The following KIAA1217 variants were observed in gnomAD, a reference collection of about 807,000 sequenced individuals.
KIAA1217 encodes KIAA1217, also known as sickle tail protein homolog.
In KIAA1217, 88 loss-of-function variants were observed where a neutral mutation model predicts 163.9. That is an observed-to-expected ratio of 0.54 (90% CI 0.45 to 0.64). The LOEUF is 0.64. Ranked by LOEUF, KIAA1217 falls within the 30% of genes least tolerant of loss-of-function variation. KIAA1217 has a pLI of 0.00. For synonymous variants in KIAA1217, 903 were observed against 923.1 expected, an observed-to-expected ratio of 0.98 and a Z score of 0.39; for missense variants, 2,372 against 2,475.0, an observed-to-expected ratio of 0.96 and a Z score of 0.88.
intron 1 of KIAA1217, among the ~76,000 whole-genome samples, chr10:23,889,513 T>C (rs1218711128): frequency 6.6e-6 from 1 of 151,902 alleles, no homozygotes; most frequent in Non-Finnish European, 1.5e-5. Context: ...TTGTAAGAGT[T>C]CTTTAACCAT....
At chr10:24,137,691 C>A (rs1056355027) in intron 2 of KIAA1217, among the ~76,000 whole-genome samples, 23 of 152,134 alleles carry the variant, frequency 1.5e-4, no homozygotes, top group Non-Finnish European at 2.8e-4. Context: ...AACTTGAAAA[C>A]AATAAAGACA....
chr10:24,513,663 C>A (rs538518124), intron 10 of KIAA1217, among the ~76,000 whole-genome samples: 1 of 151,760 alleles, frequency 6.6e-6, no homozygotes, highest in Non-Finnish European at 1.5e-5. Context: ...TTAAAAGTTG[C>A]GGCATTGCTG....
chr10:24,218,512 G>A (rs1277428751), intron 1 of KIAA1217, among the ~76,000 whole-genome samples: 5 of 150,686 alleles, frequency 3.3e-5, no homozygotes, highest in East Asian at 3.9e-4. Context: ...CTTTTGAGAC[G>A]GAGTCTTGCT....
intron 2 of KIAA1217, among the ~76,000 whole-genome samples, chr10:24,113,304 C>T (rs542716788): frequency 1.1e-3 from 167 of 152,294 alleles, no homozygotes; most frequent in African/African-American, 3.2e-3. Flanking sequence ...AAGGTTATAA[C>T]TAATGTGCCC....
intron 1 of KIAA1217, among the ~76,000 whole-genome samples, chr10:23,911,534 T>A (rs1288991889): frequency 6.6e-6 from 1 of 152,224 alleles, no homozygotes; most frequent in Admixed American, 6.5e-5. Flanking sequence ...ATTTGTGTGT[T>A]GATAGCATTT....
At chr10:24,243,691 G>A (rs1467839) in intron 2 of KIAA1217, among the ~76,000 whole-genome samples, 103,127 of 150,992 alleles carry the variant, frequency 0.68, 35,559 homozygotes, top group Non-Finnish European at 0.73. Context: ...ATATTCATAT[G>A]TATGAATACA....
rs546522674 is a variant in KIAA1217, at chr10:23,885,549, C to T, written c.-320-121676C>T. Among the ~76,000 whole-genome samples the T allele has an allele frequency of 7.8e-4, 119 of 152,120 alleles. 3 individuals are homozygous for T. The South Asian group carries it at 0.023, about 29-fold the overall frequency. On this transcript the variant is annotated intron_variant, in intron 1 of 18. Coordinates refer to the KIAA1217 transcript ENST00000376462. ...GCAAGTTATAATGACAAATGCTCTT[C>T]TCTCTTTATAGACTTGATCTCCTTA...
chr10:24,195,279 A>G (rs1302955113), intron 2 of KIAA1217, among the ~76,000 whole-genome samples: 1 of 152,176 alleles, frequency 6.6e-6, no homozygotes, highest in Non-Finnish European at 1.5e-5. Flanking sequence ...AGCTTCCTGT[A>G]TTTCCAGCTA....
At chr10:23,918,898 T>C (rs1842734461) in intron 1 of KIAA1217, among the ~76,000 whole-genome samples, 1 of 152,076 alleles carries the variant, frequency 6.6e-6, no homozygotes, top group Non-Finnish European at 1.5e-5. Context: ...CAGAGCCAAG[T>C]CCCTAAGCCT....
At chr10:24,450,330 A>G (rs1449239141) in intron 5 of KIAA1217, among the ~76,000 whole-genome samples, 1 of 152,222 alleles carries the variant, frequency 6.6e-6, no homozygotes, top group African/African-American at 2.4e-5. Flanking sequence ...TAGCAGTTTA[A>G]TCTGTATGAA....
At chr10:23,876,377 G>T (rs997956913) in intron 1 of KIAA1217, among the ~76,000 whole-genome samples, 1 of 151,700 alleles carries the variant, frequency 6.6e-6, no homozygotes, top group East Asian at 1.9e-4. Context: ...TTCCTGTTGG[G>T]TACTATGTTC....
chr10:24,156,684 G>A (rs1352819850), intron 2 of KIAA1217, among the ~76,000 whole-genome samples: 1 of 152,066 alleles, frequency 6.6e-6, no homozygotes, highest in Non-Finnish European at 1.5e-5. Context: ...ATCACCCCAG[G>A]GCTGAGTACC....
intron 1 of KIAA1217, among the ~76,000 whole-genome samples, chr10:23,830,201 G>A (rs1759313368): frequency 6.6e-6 from 1 of 152,124 alleles, no homozygotes; most frequent in South Asian, 2.1e-4. Context: ...CAGAAAAGCA[G>A]TTCTTTTTGC....
chr10:23,912,390 T>C (rs1231510742), intron 1 of KIAA1217, among the ~76,000 whole-genome samples: 3 of 126,418 alleles, frequency 2.4e-5, no homozygotes, highest in Admixed American at 2.3e-4. Context: ...GTTTGTTATA[T>C]AATTGCGTAG....
chr10:23,933,991 G>A (rs1268774341), intron 1 of KIAA1217, among the ~76,000 whole-genome samples: 2 of 152,160 alleles, frequency 1.3e-5, no homozygotes, highest in Non-Finnish European at 2.9e-5. Flanking sequence ...GATTCTTCAA[G>A]GATCTAGAAC....
intron 2 of KIAA1217, among the ~76,000 whole-genome samples, chr10:24,318,033 G>A (rs970107403): frequency 3.9e-5 from 6 of 152,176 alleles, no homozygotes; most frequent in Admixed American, 3.3e-4. Flanking sequence ...TTTTCTGGGT[G>A]CAGTGGCTCA....
intron 1 of KIAA1217, among the ~76,000 whole-genome samples, chr10:23,807,706 ATAAAAATGTAAATACC>A (rs1293800527): frequency 6.6e-6 from 1 of 152,234 alleles, no homozygotes; most frequent in Admixed American, 6.5e-5. Flanking sequence ...TCAAAAAAGT[ATAAAAATGTAAATACC>A]TACTTCAGAT....
intron 3 of KIAA1217, among the ~76,000 whole-genome samples, chr10:24,416,406 T>C (rs1453649114): frequency 2.6e-5 from 4 of 152,216 alleles, no homozygotes; most frequent in African/African-American, 9.6e-5. Flanking sequence ...ACAACTTGAA[T>C]GCCAAAAGGC....
intron 1 of KIAA1217, among the ~76,000 whole-genome samples, chr10:23,983,333 G>A (rs1405450589): frequency 3.3e-5 from 5 of 152,144 alleles, no homozygotes; most frequent in Non-Finnish European, 7.4e-5. Context: ...ACTTGAAACT[G>A]GGTAATTTAT....
Sources: allele counts gnomAD v4.1 joint callset (sites outside exome capture counted in the v4.1 genomes callset), GRCh38; gene constraint gnomAD v4.1.1; transcripts MANE v1.5; gene names NCBI Gene and HGNC (gene_info 2026-07-23, HGNC 2026-07-21).